INSYN2B: variants seen among roughly 807,000 people sequenced by gnomAD.
INSYN2B encodes protein INSYN2B.
A neutral mutation model predicts 41.2 loss-of-function variants in INSYN2B; 16 were observed. That is an observed-to-expected ratio of 0.39 (90% CI 0.26 to 0.59). The LOEUF (loss-of-function observed/expected upper bound fraction) is 0.59, where lower values mean the gene tolerates loss of function less well. Ranked by LOEUF, INSYN2B falls within the 20% of genes least tolerant of loss-of-function variation. The pLI is 0.57. For synonymous variants in INSYN2B, 245 were observed against 244.4 expected, an observed-to-expected ratio of 1.00 and a Z score of -0.02; for missense variants, 608 against 646.4, an observed-to-expected ratio of 0.94 and a Z score of 0.64.
At chr5:169,972,568 G>C (rs1777548482) in intron 1 of INSYN2B, among the ~76,000 whole-genome samples, 1 of 59,642 alleles carries the variant, frequency 1.7e-5, no homozygotes, top group Admixed American at 1.9e-4. Context: ...TAGATAGATA[G>C]ATAGATAGAT....
chr5:169,943,537 C>T (rs551284928), intron 1 of INSYN2B, among the ~76,000 whole-genome samples: 6 of 152,314 alleles, frequency 3.9e-5, no homozygotes, highest in East Asian at 1.9e-4. Context: ...GTCCATCCCA[C>T]GTTGATGGAG....
In INSYN2B at chr5:169,910,359, A is replaced by G. The variant is rs369127099; in HGVS notation, c.-918-25543T>C. Among the ~76,000 whole-genome samples, 547 of 152,336 alleles carry G rather than the reference A, an allele frequency of 3.6e-3. 35 individuals carry two copies. The South Asian group carries it at 0.11, about 30-fold the overall frequency. On this transcript the variant is annotated intron_variant, in intron 1 of 3. Transcript: ENST00000377365. Reference sequence around the variant, plus strand: ...AGGTAAGCAAGGTCACTACAAAGTCATTTAAAATTGCATCTCAAGACAGTT... The same window carrying G: ...AGGTAAGCAAGGTCACTACAAAGTCGTTTAAAATTGCATCTCAAGACAGTT...
At chr5:169,953,138 A>G (rs896176811) in intron 1 of INSYN2B, among the ~76,000 whole-genome samples, 4 of 152,170 alleles carry the variant, frequency 2.6e-5, no homozygotes, top group Non-Finnish European at 1.5e-5. Flanking sequence ...CCTGGCCAAC[A>G]TGGCGAAACC....
intron 3 of INSYN2B, among the ~76,000 whole-genome samples, chr5:169,873,777 A>G (rs1308494739): frequency 6.6e-6 from 1 of 152,230 alleles, no homozygotes; most frequent in Admixed American, 6.5e-5. Context: ...TCAGTGGCCA[A>G]ATCGCTTAAC....
chr5:169,978,080 C>T (rs1777781078), intron 1 of INSYN2B, among the ~76,000 whole-genome samples: 1 of 151,564 alleles, frequency 6.6e-6, no homozygotes, highest in African/African-American at 2.4e-5. Context: ...CTCACTGGTG[C>T]TTTCTATATT....
chr5:169,973,593 T>A (rs1029329016), intron 1 of INSYN2B, among the ~76,000 whole-genome samples: 11 of 152,154 alleles, frequency 7.2e-5, no homozygotes, highest in Admixed American at 5.2e-4. Flanking sequence ...GAGCTGGCAT[T>A]GATCCCAGGA....
At chr5:169,946,438 G>T (rs1776451743) in intron 1 of INSYN2B, among the ~76,000 whole-genome samples, 1 of 152,168 alleles carries the variant, frequency 6.6e-6, no homozygotes, top group Non-Finnish European at 1.5e-5. Context: ...TTTTCATATT[G>T]GGAGGAAAGG....
chr5:169,886,975 C>T (rs892104998), intron 1 of INSYN2B, among the ~76,000 whole-genome samples: 9 of 152,106 alleles, frequency 5.9e-5, no homozygotes, highest in Non-Finnish European at 1.2e-4. Context: ...GAGGCAGGTG[C>T]GATCAGTTCC....
chr5:169,908,874 T>C (rs1244815770), intron 1 of INSYN2B, among the ~76,000 whole-genome samples: 1 of 152,034 alleles, frequency 6.6e-6, no homozygotes, highest in Admixed American at 6.6e-5. Context: ...ACTACATTAT[T>C]GCATTTCACC....
chr5:169,886,677 T>A (rs2113523027), intron 1 of INSYN2B, among the ~76,000 whole-genome samples: 1 of 152,370 alleles, frequency 6.6e-6, no homozygotes, highest in South Asian at 2.1e-4. Context: ...GCAGTTGAAA[T>A]TTGTGAGATG....
At position 169,863,002 on chromosome 5, in the gene INSYN2B, C is replaced by T. The variant is rs1204606130; in HGVS notation, c.*1271G>A. On this transcript the variant is annotated 3_prime_UTR_variant, in exon 4 of 4. Coordinates refer to ENST00000377365, the MANE Select transcript of INSYN2B (RefSeq NM_001129891.3). ...ATGCTGATAGAGATTTTAATTCAAC[C>T]AGAAGGAATCTGAGCCTTTCCATCC... Among the ~76,000 whole-genome samples the T allele has an allele frequency of 6.6e-6, 1 of 152,174 alleles. No homozygotes were observed. The highest frequency in any genetic ancestry group is 6.5e-5 in the Admixed American group (1 of 15,284).
chr5:169,882,900 A>T lies in INSYN2B; in HGVS notation c.999T>A (p.Ser333Arg). The part of the protein sequence containing the change: ...PGRASDCPSS[S>R]NNHQNLVSLK... ...GTGACACCAGATTCTGGTGATTGTT[A>T]CTTGATGAAGGACAGTCTGAGGCTC... Residue 333 changes from serine (S) to arginine (R), a missense_variant, in exon 2 of 4, where the codon AGT (serine) becomes AGA (arginine). Coordinates refer to ENST00000377365, the MANE Select transcript of INSYN2B (RefSeq NM_001129891.3). 1 of 1,551,608 alleles carries T rather than the reference A, an allele frequency of 6.4e-7. No homozygotes were observed. The highest frequency in any genetic ancestry group is 2.4e-5 in the East Asian group (1 of 40,902).
At position 169,961,978 on chromosome 5, in the gene INSYN2B, C is replaced by CAAAAAAAAAAAAAAAAAAAAAAAAAAAAA. The variant is rs70979150; in HGVS notation, c.-919+18298_-919+18299insTTTTTTTTTTTTTTTTTTTTTTTTTTTTT. The stretch of plus-strand genomic sequence containing the variant: ...TGGGTGAAAAAGTGAGACTCTGTCC[C>CAAAAAAAAAAAAAAAAAAAAAAAAAAAAA]AAAAAAAAAAAAAAAAATGGAGAAA... On this transcript the variant is annotated intron_variant, in intron 1 of 3. Coordinates refer to ENST00000377365, the MANE Select transcript of INSYN2B (RefSeq NM_001129891.3). Among the ~76,000 whole-genome samples, 4 of 74,652 alleles carry CAAAAAAAAAAAAAAAAAAAAAAAAAAAAA rather than the reference C, an allele frequency of 5.4e-5. 2 individuals are homozygous for CAAAAAAAAAAAAAAAAAAAAAAAAAAAAA. Among genetic ancestry groups the CAAAAAAAAAAAAAAAAAAAAAAAAAAAAA allele is most frequent in the African/African-American group, 2.7e-4 (4 of 14,774 alleles). The allele number at this position is 74,652 out of a possible 152,430, so 49.0% of individuals were successfully genotyped here. A position where few individuals can be genotyped will look rare whatever the true frequency, so the allele number is the denominator to read the frequency against.
intron 1 of INSYN2B, among the ~76,000 whole-genome samples, chr5:169,895,167 AC>A (rs1308447121): frequency 2.0e-5 from 3 of 152,174 alleles, no homozygotes; most frequent in African/African-American, 7.2e-5. Flanking sequence ...TGATGGGCTC[AC>A]GGTGTTTGCC....
Position 169,962,412 on chromosome 5 carries a change from T to A in INSYN2B, c.-919+17865A>T, listed in dbSNP as rs372955789. Among the ~76,000 whole-genome samples, 86 of 152,158 alleles carry A rather than the reference T, an allele frequency of 5.7e-4. 1 individual carries two copies. In the East Asian group the frequency reaches 0.011, roughly 19 times the overall value. ...GAGGCAACCGGAAAGTGGGGGAGGA[T>A]GGAGGTTCCATTTCCCAAGAGAAAG... On this transcript the variant is annotated intron_variant, in intron 1 of 3. Transcript: ENST00000377365.
At chr5:169,954,975 C>T (rs1269018564) in intron 1 of INSYN2B, among the ~76,000 whole-genome samples, 1 of 152,222 alleles carries the variant, frequency 6.6e-6, no homozygotes, top group African/African-American at 2.4e-5. Flanking sequence ...GCAGACTGTG[C>T]CTCCTGTGAC....
chr5:169,937,140 C>T (rs1428907690), intron 1 of INSYN2B, among the ~76,000 whole-genome samples: 1 of 152,340 alleles, frequency 6.6e-6, no homozygotes, highest in African/African-American at 2.4e-5. Context: ...TTTACTGCGG[C>T]ACAGATATGC....
At chr5:169,892,904 TTCTTC>T (rs1414464321) in intron 1 of INSYN2B, among the ~76,000 whole-genome samples, 2 of 152,206 alleles carry the variant, frequency 1.3e-5, no homozygotes, top group South Asian at 4.1e-4. Flanking sequence ...TCTTTTCCCC[TTCTTC>T]TCTTCTGTTT....
chr5:169,872,486 A>G (rs1284100565), intron 3 of INSYN2B, among the ~76,000 whole-genome samples: 4 of 152,152 alleles, frequency 2.6e-5, no homozygotes, highest in Non-Finnish European at 5.9e-5. Context: ...AGCTATTTCA[A>G]ATTGGCAAGT....
Sources: allele counts gnomAD v4.1 joint callset (sites outside exome capture counted in the v4.1 genomes callset), GRCh38; gene constraint gnomAD v4.1.1; transcripts MANE v1.5; gene names NCBI Gene and HGNC (gene_info 2026-07-23, HGNC 2026-07-21).